The following TMCO5A variants were observed in gnomAD, a reference collection of about 807,000 sequenced individuals.
TMCO5A encodes transmembrane and coiled-coil domains 5A.
A neutral mutation model predicts 42.3 loss-of-function variants in TMCO5A; 34 were observed. The ratio of observed to expected loss-of-function variants is 0.80; its 90% CI spans 0.61 to 1.07. The LOEUF is 1.07. Ranked by LOEUF, TMCO5A falls within the 50% of genes least tolerant of loss-of-function variation. TMCO5A has a pLI of 0.00. For synonymous variants in TMCO5A, 131 were observed against 115.6 expected (o/e 1.13, Z -0.86); for missense variants, 357 against 327.9 (o/e 1.09, Z -0.69).
the TMCO5A span, chr15:38,040,119 C>A: frequency 6.6e-6 from 1 of 152,242 alleles, no homozygotes; most frequent in South Asian, 2.1e-4. Flanking sequence ...AGGAGAGTCT[C>A]CAGTCTACCA....
At chr15:37,947,382 T>C (rs1890002545) in intron 10 of TMCO5A, among the ~76,000 whole-genome samples, 1 of 152,030 alleles carries the variant, frequency 6.6e-6, no homozygotes, top group Admixed American at 6.6e-5. Flanking sequence ...CCAGGCCCCA[T>C]CCTGCCCCTA....
chr15:37,934,905 A>T (rs1338879936), intron 1 of TMCO5A, among the ~76,000 whole-genome samples: 1 of 152,172 alleles, frequency 6.6e-6, no homozygotes, highest in Non-Finnish European at 1.5e-5. Flanking sequence ...TATGGAAAGC[A>T]ACTGGCCTAG....
the TMCO5A span, among the ~76,000 whole-genome samples, chr15:37,997,500 T>G: frequency 6.6e-6 from 1 of 152,242 alleles, no homozygotes; most frequent in Admixed American, 6.5e-5. Flanking sequence ...TTTCACTTAA[T>G]GTCCTTCAGT....
At chr15:37,976,423 C>A in the TMCO5A span, among the ~76,000 whole-genome samples, 1 of 152,048 alleles carries the variant, frequency 6.6e-6, no homozygotes, top group African/African-American at 2.4e-5. Context: ...CAGGGGTTCT[C>A]TGTATTTCTT....
At chr15:38,027,591 AAGGG>A in the TMCO5A span, among the ~76,000 whole-genome samples, 1 of 152,086 alleles carries the variant, frequency 6.6e-6, no homozygotes, top group African/African-American at 2.4e-5. Flanking sequence ...GGACTGTTGG[AAGGG>A]CATGATTGTG....
At chr15:38,029,347 AAC>A in the TMCO5A span, among the ~76,000 whole-genome samples, 11 of 65,782 alleles carry the variant, frequency 1.7e-4, no homozygotes, top group East Asian at 0.011. Flanking sequence ...TGTTCACACA[AAC>A]ATGTGTGCAT....
At chr15:37,944,069 C>G (rs923217514) in intron 10 of TMCO5A, 4 of 151,928 alleles carry the variant, frequency 2.6e-5, no homozygotes, top group Non-Finnish European at 5.9e-5. Context: ...GCTTTAGAGT[C>G]CAGGTTGACA....
chr15:37,997,197 C>T, the TMCO5A span, among the ~76,000 whole-genome samples: 2 of 152,158 alleles, frequency 1.3e-5, no homozygotes, highest in African/African-American at 4.8e-5. Context: ...CTGTTTATCA[C>T]AGATCAGACA....
At chr15:37,947,360 A>G (rs959602976) in intron 10 of TMCO5A, among the ~76,000 whole-genome samples, 1 of 152,086 alleles carries the variant, frequency 6.6e-6, no homozygotes, top group African/African-American at 2.4e-5. Flanking sequence ...GTGGAGTCAG[A>G]GTATCCAGGT....
At chr15:38,002,273 C>T in the TMCO5A span, among the ~76,000 whole-genome samples, 1 of 150,880 alleles carries the variant, frequency 6.6e-6, no homozygotes, top group East Asian at 1.9e-4. Context: ...TATCATTGAC[C>T]TTTGGGAGCT....
the TMCO5A span, among the ~76,000 whole-genome samples, chr15:38,034,069 C>G: frequency 2.0e-5 from 3 of 152,096 alleles, no homozygotes; most frequent in African/African-American, 4.8e-5. Flanking sequence ...GTGGAAGTTG[C>G]GTTCTGTTTC....
At chr15:37,962,861 G>GAATAA in intron 11 of TMCO5A, among the ~76,000 whole-genome samples, 1 of 151,954 alleles carries the variant, frequency 6.6e-6, no homozygotes, top group Non-Finnish European at 1.5e-5. Context: ...ATAATCTTTT[G>GAATAA]TATTTCTGTG....
the TMCO5A span, among the ~76,000 whole-genome samples, chr15:37,973,510 C>T: frequency 6.6e-6 from 1 of 152,028 alleles, no homozygotes; most frequent in African/African-American, 2.4e-5. Context: ...TAGCTGTATT[C>T]CCAGTGATTT....
In TMCO5A at chr15:37,943,342, T is replaced by A. The variant is rs909475863; in HGVS notation, c.571T>A (p.Ser191Thr). ...CTGTCCTGGCTGTTATCTTCATAGA[T>A]CAAAACTCGTGAGCATGAACCCTGT... ...LEALFLEREV[S>T]KLVSMNPVEK... Residue 191 changes from serine to threonine, a missense_variant and splice_region_variant, in exon 10 of 12, where the codon TCA becomes ACA. Physicochemically the swap from Ser to Thr is moderately conservative, Grantham distance 58. Transcript: ENST00000319669. The A allele has an allele frequency of 2.5e-6, 4 of 1,612,088 alleles. No homozygotes were observed. The highest frequency in any genetic ancestry group is 2.5e-6 in the Non-Finnish European group (3 of 1,179,048).
the TMCO5A span, among the ~76,000 whole-genome samples, chr15:37,980,683 C>G: frequency 2.1e-5 from 3 of 140,414 alleles, no homozygotes; most frequent in African/African-American, 7.8e-5. Context: ...TTTCTTTCTA[C>G]ACTGAATGGC....
chr15:37,942,167 G>C lies in TMCO5A; in HGVS notation c.505-24G>C, dbSNP rs1316482490. 5 of 1,608,796 alleles carry C rather than the reference G, an allele frequency of 3.1e-6. No homozygotes were observed. The East Asian group carries it at 8.9e-5, about 29-fold the overall frequency. ...TGTAAACCTTCTAAGTAGTAACTGT[G>C]GCTTTCTTTGTTTCTCTTTGAAGAA... On this transcript the variant is annotated intron_variant, in intron 8 of 11. Coordinates refer to ENST00000319669, the MANE Select transcript of TMCO5A (RefSeq NM_152453.4).
chr15:38,022,800 TTGTAAA>T, the TMCO5A span, among the ~76,000 whole-genome samples: 1 of 152,176 alleles, frequency 6.6e-6, no homozygotes, highest in Non-Finnish European at 1.5e-5. Flanking sequence ...CTCAATTTTG[TTGTAAA>T]TGTAAAACTG....
At chr15:37,954,937 A>G (rs1288131537), downstream of TMCO5A, among the ~76,000 whole-genome samples, 1 of 152,034 alleles carries the variant, frequency 6.6e-6, no homozygotes, top group East Asian at 1.9e-4. Context: ...CTCAAAAAAC[A>G]TACAATGAAT....
chr15:37,943,238 C>A (rs1011988502), intron 9 of TMCO5A, 103 bp from the exon 10 acceptor site: 2 of 1,012,358 alleles, frequency 2.0e-6, no homozygotes, highest in Admixed American at 4.8e-5. Flanking sequence ...CAATATTGGA[C>A]AGTACAGATT....
Sources: allele counts gnomAD v4.1 joint callset (sites outside exome capture counted in the v4.1 genomes callset), GRCh38; gene constraint gnomAD v4.1.1; transcripts MANE v1.5; gene names NCBI Gene and HGNC (gene_info 2026-07-23, HGNC 2026-07-21).